Variants in PTPRD observed in about 807,000 individuals in gnomAD.
The protein encoded by PTPRD is receptor-type tyrosine-protein phosphatase delta.
Under a neutral mutation model 214.5 loss-of-function variants are expected in PTPRD, and 34 were observed. That is an observed-to-expected ratio of 0.16 (90% CI 0.12 to 0.21). PTPRD has a LOEUF of 0.21. Ranked by LOEUF, PTPRD falls within the 10% of genes least tolerant of loss-of-function variation. The pLI is 1.00. For missense variants in PTPRD, 2,545 were observed against 2,398.7 expected (o/e 1.06, Z -1.27); for synonymous variants, 1,128 against 845.7 (o/e 1.33, Z -5.79).
At chr9:9,175,868 C>T (rs1192973294) in intron 10 of PTPRD, among the ~76,000 whole-genome samples, 2 of 152,050 alleles carry the variant, frequency 1.3e-5, no homozygotes, top group South Asian at 2.1e-4. Flanking sequence ...ATTATAAATG[C>T]GGAGCCATAT....
chr9:8,726,064 C>G (rs961102286), intron 12 of PTPRD, among the ~76,000 whole-genome samples: 2 of 149,448 alleles, frequency 1.3e-5, no homozygotes, highest in South Asian at 2.1e-4. Flanking sequence ...CACACACACA[C>G]AGTTTAGTGA....
chr9:10,312,650 C>G (rs1356645872), intron 3 of PTPRD, among the ~76,000 whole-genome samples: 1 of 151,840 alleles, frequency 6.6e-6, no homozygotes, highest in East Asian at 1.9e-4. Flanking sequence ...TATTATCTAT[C>G]TCTAAAACAT....
intron 11 of PTPRD, among the ~76,000 whole-genome samples, chr9:8,809,557 T>C (rs1433434584): frequency 1.3e-5 from 2 of 152,182 alleles, no homozygotes; most frequent in Non-Finnish European, 2.9e-5. Flanking sequence ...ATTTTCCACT[T>C]CTTAAAGATT....
intron 2 of PTPRD, among the ~76,000 whole-genome samples, chr9:10,504,501 C>A (rs1176760097): frequency 6.6e-6 from 1 of 152,006 alleles, no homozygotes; most frequent in Non-Finnish European, 1.5e-5. Flanking sequence ...ACTTTTGGTG[C>A]AAGTTTCCAA....
At chr9:10,087,937 G>C (rs72694835) in intron 3 of PTPRD, among the ~76,000 whole-genome samples, 2 of 151,654 alleles carry the variant, frequency 1.3e-5, no homozygotes, top group Non-Finnish European at 3.0e-5. Context: ...ACAGGGTCTA[G>C]TTTTTGGCAA....
chr9:9,075,156 TA>T (rs1351953246), intron 10 of PTPRD, among the ~76,000 whole-genome samples: 1 of 152,116 alleles, frequency 6.6e-6, no homozygotes, highest in Non-Finnish European at 1.5e-5. Context: ...TTTTAATTTT[TA>T]ATTTTTGTGC....
chr9:8,861,369 G>GA (rs1258271785), intron 11 of PTPRD: 1 of 152,112 alleles, frequency 6.6e-6, no homozygotes, highest in African/African-American at 2.4e-5. Flanking sequence ...AACAATTTCT[G>GA]AAATGAAAGA....
intron 10 of PTPRD, among the ~76,000 whole-genome samples, chr9:9,146,984 T>A (rs1168651530): frequency 6.6e-6 from 1 of 152,200 alleles, no homozygotes; most frequent in Non-Finnish European, 1.5e-5. Context: ...TCTGATTGAT[T>A]CTTAAAAATG....
Position 10,123,153 on chromosome 9 carries a change from C to T in PTPRD, c.-544-89363G>A, listed in dbSNP as rs1420929543. 3.3e-5 allele frequency among the ~76,000 whole-genome samples: 5 copies of T among 152,332 alleles called. No individual in the cohort carries two copies. The East Asian group carries it at 5.8e-4, about 18-fold the overall frequency. ...ACAGGACATTATTGCTGACAGTAGACGTTCCCTGAAGCAAAAAAGATATTG... is the reference window on the plus strand; with the variant it reads ...ACAGGACATTATTGCTGACAGTAGATGTTCCCTGAAGCAAAAAAGATATTG... On this transcript the variant is annotated intron_variant, in intron 3 of 45. Coordinates refer to ENST00000381196, the MANE Select transcript of PTPRD (RefSeq NM_002839.4).
chr9:10,589,669 C>T (rs1043152816), intron 2 of PTPRD, among the ~76,000 whole-genome samples: 1 of 151,988 alleles, frequency 6.6e-6, no homozygotes, highest in Non-Finnish European at 1.5e-5. Context: ...CCAGCAAATT[C>T]CTGACACGAG....
intron 8 of PTPRD, among the ~76,000 whole-genome samples, chr9:9,482,532 C>T (rs954684201): frequency 6.6e-6 from 1 of 152,032 alleles, no homozygotes; most frequent in African/African-American, 2.4e-5. Context: ...GGGAGTCTGG[C>T]ACAAGGATGA....
intron 10 of PTPRD, among the ~76,000 whole-genome samples, chr9:9,079,837 G>A (rs1245132189): frequency 6.6e-6 from 1 of 152,028 alleles, no homozygotes; most frequent in African/African-American, 2.4e-5. Context: ...GGTAGATTAA[G>A]GAGAGCTAGG....
chr9:9,473,914 T>C (rs2094819588), intron 8 of PTPRD, among the ~76,000 whole-genome samples: 1 of 151,850 alleles, frequency 6.6e-6, no homozygotes, highest in Admixed American at 6.5e-5. Flanking sequence ...TCTCTTAACC[T>C]ACAGGTTTTC....
chr9:8,964,423 T>C (rs1304851203), intron 11 of PTPRD, among the ~76,000 whole-genome samples: 2 of 151,624 alleles, frequency 1.3e-5, no homozygotes, highest in Non-Finnish European at 2.9e-5. Flanking sequence ...TTGTTTCTGA[T>C]TGTGCTTATT....
At chr9:8,891,857 G>T (rs2098542621) in intron 11 of PTPRD, among the ~76,000 whole-genome samples, 1 of 152,170 alleles carries the variant, frequency 6.6e-6, no homozygotes, top group Admixed American at 6.5e-5. Context: ...CAGTCGTGGA[G>T]TTGGGCAGAT....
At chr9:10,495,282 CAA>C (rs2041703671) in intron 2 of PTPRD, among the ~76,000 whole-genome samples, 1 of 151,646 alleles carries the variant, frequency 6.6e-6, no homozygotes, top group Admixed American at 6.6e-5. Flanking sequence ...CTCTTTTCCA[CAA>C]AGTCAAGTCA....
At chr9:8,692,898 T>G (rs923840142) in intron 12 of PTPRD, among the ~76,000 whole-genome samples, 1 of 152,214 alleles carries the variant, frequency 6.6e-6, no homozygotes. Flanking sequence ...ACATCAATGT[T>G]TGGCAGTAAA....
At chr9:10,491,975 G>C (rs1296515131) in intron 2 of PTPRD, among the ~76,000 whole-genome samples, 1 of 152,058 alleles carries the variant, frequency 6.6e-6, no homozygotes, top group Non-Finnish European at 1.5e-5. Flanking sequence ...TTGGTTTTCT[G>C]TTCCTGTGTT....
chr9:9,778,821 A>C (rs1290449305), intron 5 of PTPRD, among the ~76,000 whole-genome samples: 1 of 152,054 alleles, frequency 6.6e-6, no homozygotes, highest in Non-Finnish European at 1.5e-5. Flanking sequence ...ATTCCTACAA[A>C]ACAACCAAAG....
Sources: gnomAD v4.1 joint callset for allele counts (sites outside exome capture counted in the v4.1 genomes callset) on GRCh38, gnomAD v4.1.1 for gene constraint, MANE v1.5 for transcripts, NCBI Gene and HGNC (gene_info 2026-07-23, HGNC 2026-07-21) for gene names.